BLK: variants seen among roughly 807,000 people sequenced by gnomAD.
BLK encodes the protein tyrosine-protein kinase Blk.
Under a neutral mutation model 61.8 loss-of-function variants are expected in BLK, and 64 were observed. That is an observed-to-expected ratio of 1.03 (90% CI 0.85 to 1.27). The LOEUF (loss-of-function observed/expected upper bound fraction) is 1.27, where lower values mean the gene tolerates loss of function less well. BLK is among the 50% of genes most tolerant of loss of function. BLK has a pLI of 0.00. For missense variants in BLK, 853 were observed against 660.5 expected (o/e 1.29, Z -3.19); for synonymous variants, 351 against 272.0 (o/e 1.29, Z -2.86).
intron 1 of BLK, among the ~76,000 whole-genome samples, chr8:11,527,436 C>G (rs928455969): frequency 1.3e-5 from 2 of 152,028 alleles, no homozygotes; most frequent in Non-Finnish European, 2.9e-5. Flanking sequence ...GATCTACTTT[C>G]TAGAACCATA....
chr8:11,561,517 C>T lies in BLK; in HGVS notation c.1180+65C>T, dbSNP rs1289354108. ...TATCTTTCCCAGCTCCTCAAAGCCG[C>T]CTTTAACTTCTCCCAGCACAGCCCT... On this transcript the variant is annotated intron_variant, in intron 11 of 12. Coordinates refer to ENST00000259089, the MANE Select transcript of BLK (RefSeq NM_001715.3). 1.9e-6 allele frequency: 3 copies of T among 1,576,260 alleles called. No individual in the cohort carries two copies. In the African/African-American group the frequency reaches 4.1e-5, roughly 21 times the overall value.
chr8:11,507,341 G>A (rs1798814368), intron 1 of BLK, among the ~76,000 whole-genome samples: 1 of 152,324 alleles, frequency 6.6e-6, no homozygotes, highest in South Asian at 2.1e-4. Context: ...CCCTGCCCCT[G>A]GGAGTGGTCC....
intron 5 of BLK, among the ~76,000 whole-genome samples, chr8:11,549,542 C>T (rs1800808726): frequency 6.6e-6 from 1 of 152,164 alleles, no homozygotes; most frequent in Non-Finnish European, 1.5e-5. Flanking sequence ...TCTTCTAATC[C>T]CCCAGCCCCC....
chr8:11,495,261 G>A (rs1798321941), intron 1 of BLK, among the ~76,000 whole-genome samples: 1 of 152,308 alleles, frequency 6.6e-6, no homozygotes, highest in South Asian at 2.1e-4. Context: ...GGTGGATGAA[G>A]TTCACCCTCA....
Position 11,535,186 on chromosome 8 carries a change from AGAAAGAAAGAAG to A in BLK, c.-1-8026_-1-8015del, listed in dbSNP as rs991531239. Among the ~76,000 whole-genome samples, 10 of 138,346 alleles carry A rather than the reference AGAAAGAAAGAAG, an allele frequency of 7.2e-5. No individual in the cohort carries two copies. The East Asian group carries it at 1.6e-3, about 22-fold the overall frequency. 90.8% of individuals were successfully genotyped at this position (138,346 alleles called of 152,430 possible). Reference sequence around the variant, plus strand: ...AGAGACAGACAGATGAATGAAAGAAAGAAAGAAAGAAGGAAAGAAAGAAAGAAAGAGAGAGAA... The same window carrying A: ...AGAGACAGACAGATGAATGAAAGAAAGAAAGAAAGAAAGAAAGAGAGAGAA... On this transcript the variant is annotated intron_variant, in intron 1 of 12. Coordinates refer to ENST00000259089, the MANE Select transcript of BLK (RefSeq NM_001715.3).
Position 11,555,600 on chromosome 8 carries a change from AGCGAGGACAGAG to A in BLK, c.772+126_772+137del. The A allele has an allele frequency of 3.3e-6, 5 of 1,494,842 alleles. No homozygotes were observed. In the South Asian group the frequency reaches 3.5e-5, roughly 11 times the overall value. The allele number at this position is 1,494,842 out of a possible 1,614,324, so 92.6% of individuals were successfully genotyped here. A position where few individuals can be genotyped will look rare whatever the true frequency, so the allele number is the denominator to read the frequency against. On this transcript the variant is annotated intron_variant, in intron 8 of 12. Coordinates refer to ENST00000259089, the MANE Select transcript of BLK (RefSeq NM_001715.3). ...CCCTCCCCCAGAAGTCTTGAGAGGG[AGCGAGGACAGAG>A]GCGAGGACACTCATTTTACAGAGGA...
intron 1 of BLK, among the ~76,000 whole-genome samples, chr8:11,504,711 C>A (rs1002889292): frequency 1.3e-5 from 2 of 152,234 alleles, no homozygotes; most frequent in African/African-American, 4.8e-5. Context: ...ACGGTCTAAG[C>A]GACTGAGGAG....
chr8:11,539,729 A>G (rs948643460), intron 1 of BLK, among the ~76,000 whole-genome samples: 1 of 152,258 alleles, frequency 6.6e-6, no homozygotes, highest in Non-Finnish European at 1.5e-5. Context: ...GGATTCAGCA[A>G]TGAATAAAAC....
At chr8:11,533,962 T>G (rs1165560461) in intron 1 of BLK, among the ~76,000 whole-genome samples, 1 of 152,256 alleles carries the variant, frequency 6.6e-6, no homozygotes, top group Non-Finnish European at 1.5e-5. Flanking sequence ...CGGGCCTGCC[T>G]TTCAATCCTT....
intron 1 of BLK, among the ~76,000 whole-genome samples, chr8:11,504,744 G>C (rs995389924): frequency 6.6e-5 from 10 of 152,246 alleles, no homozygotes; most frequent in African/African-American, 2.4e-4. Context: ...TCCCACCCTT[G>C]AGATGAGGCC....
intron 1 of BLK, 42 bp from the exon 2 acceptor site, chr8:11,543,182 C>G (rs760607322): frequency 1.2e-6 from 2 of 1,612,394 alleles, no homozygotes; most frequent in Admixed American, 3.3e-5. Flanking sequence ...GATCTGAGGC[C>G]CCGCTCTCTC....
chr8:11,526,804 T>C (rs986335324), intron 1 of BLK, among the ~76,000 whole-genome samples: 3 of 152,184 alleles, frequency 2.0e-5, no homozygotes, highest in Admixed American at 6.5e-5. Context: ...TCAAAACTTT[T>C]TCAGTTGAAA....
chr8:11,526,594 C>A (rs1448063429), intron 1 of BLK, among the ~76,000 whole-genome samples: 2 of 152,196 alleles, frequency 1.3e-5, no homozygotes, highest in Non-Finnish European at 2.9e-5. Flanking sequence ...TGGCACATGC[C>A]TGTCGTCCCA....
rs148152572 is a variant in BLK, at chr8:11,554,816, G to C, written c.546G>C (p.Leu182=). The change falls in exon 7 of 13, where the codon CTG becomes CTC. Residue 182 remains leucine (L), a synonymous_variant. Coordinates refer to ENST00000259089, the MANE Select transcript of BLK (RefSeq NM_001715.3). ...ELIKHYKIRC[L]DEGGYYISPR... is the part of the protein sequence containing the mutation. ...TCAAGCACTATAAGATCCGCTGCCT[G>C]GATGAAGGGGGCTACTACATCTCCC... The C allele has an allele frequency of 3.2e-5, 51 of 1,613,972 alleles. 1 individual carries two copies. In the African/African-American group the frequency reaches 3.3e-4, roughly 11 times the overall value.
chr8:11,537,884 A>G (rs373006003), intron 1 of BLK, among the ~76,000 whole-genome samples: 58 of 152,284 alleles, frequency 3.8e-4, no homozygotes, highest in African/African-American at 1.3e-3. Flanking sequence ...GGCTTTGAGC[A>G]TCTCCCAAAG....
In BLK at chr8:11,508,875, C is replaced by A. The variant is rs1360324580; in HGVS notation, c.-2+14284C>A. ...AGAGGAGCCGTGGTGGAGGGGTTTT[C>A]TCAGGGCTCGAGGGAGGTGCCTGCC... On this transcript the variant is annotated intron_variant, in intron 1 of 12. Transcript: ENST00000259089. Among the ~76,000 whole-genome samples the A allele has an allele frequency of 2.0e-5, 3 of 152,172 alleles. No individual in the cohort carries two copies. The East Asian group carries it at 5.8e-4, about 29-fold the overall frequency.
chr8:11,543,732 G>C (rs745909456), intron 2 of BLK, among the ~76,000 whole-genome samples: 3 of 152,138 alleles, frequency 2.0e-5, no homozygotes, highest in Non-Finnish European at 4.4e-5. Flanking sequence ...TGCTTTCCTG[G>C]GATAAGCATC....
rs1801502975 is a variant in BLK at position 11,561,426 on chromosome 8, T to A, written c.1154T>A (p.Ile385Asn). 6.2e-7 allele frequency: 1 copy of A among 1,613,840 alleles called. No individual in the cohort carries two copies. The highest frequency in any genetic ancestry group is 1.3e-5 in the African/African-American group (1 of 74,874). The change falls in exon 11 of 13, where the codon ATC becomes AAC. Residue 385 changes from isoleucine to asparagine, a missense_variant. Coordinates refer to ENST00000259089, the MANE Select transcript of BLK (RefSeq NM_001715.3). ...GCTGATTTTGGCTTGGCTCGAATCATCGACAGTGAATACACGGCCCAAGAG... is the reference window on the plus strand; with the variant it reads ...GCTGATTTTGGCTTGGCTCGAATCAACGACAGTGAATACACGGCCCAAGAG... The part of the protein sequence containing the change: ...KIADFGLARI[I>N]DSEYTAQEGA...
At chr8:11,520,327 A>G (rs1316297564) in intron 1 of BLK, among the ~76,000 whole-genome samples, 1 of 151,908 alleles carries the variant, frequency 6.6e-6, no homozygotes, top group Non-Finnish European at 1.5e-5. Context: ...ATTTACAAGA[A>G]CTAGCCAGGT....
Sources: allele counts gnomAD v4.1 joint callset (sites outside exome capture counted in the v4.1 genomes callset), GRCh38; gene constraint gnomAD v4.1.1; transcripts MANE v1.5; gene names NCBI Gene and HGNC (gene_info 2026-07-23, HGNC 2026-07-21).